The following RORA variants were observed in gnomAD, a reference collection of about 807,000 sequenced individuals.
RORA encodes RAR related orphan receptor A.
A neutral mutation model predicts 69.5 loss-of-function variants in RORA; 7 were observed. The observed-to-expected ratio is 0.10, with a 90% CI of 0.06 to 0.19. The LOEUF (loss-of-function observed/expected upper bound fraction) is 0.19. RORA is among the 10% of genes least tolerant of loss of function. The pLI, the probability that RORA is intolerant of heterozygous loss-of-function variation, is 1.00. For synonymous variants in RORA, 261 were observed against 240.8 expected (o/e 1.08, Z -0.78); for missense variants, 457 against 663.0 (o/e 0.69, Z 3.41).
At chr15:61,045,342 A>G (rs1896968882) in intron 1 of RORA, among the ~76,000 whole-genome samples, 1 of 152,174 alleles carries the variant, frequency 6.6e-6, no homozygotes, top group Non-Finnish European at 1.5e-5. Flanking sequence ...CTCCCCAGCC[A>G]TGTGGAACTG....
intron 1 of RORA, among the ~76,000 whole-genome samples, chr15:60,987,969 T>G (rs1894259234): frequency 6.6e-6 from 1 of 152,176 alleles, no homozygotes; most frequent in Non-Finnish European, 1.5e-5. Context: ...TGGATCCCAC[T>G]CATATCGCTG....
chr15:61,229,159 C>G lies in RORA; in HGVS notation c.60G>C (p.Ala20=). The G allele has an allele frequency of 6.5e-7, 1 of 1,548,308 alleles. No individual in the cohort carries two copies. Among genetic ancestry groups the G allele is most frequent in the Non-Finnish European group, 8.7e-7 (1 of 1,147,580 alleles). ...PAASEPGSSG[A]DAAAGSRETP... ...TCTCCCTGGAGCCGGCGGCCGCGTC[C>G]GCGCCGCTGCTGCCTGGCTCGCTGG... Residue 20 remains alanine (A), a synonymous_variant, in exon 1 of 11, where the codon GCG becomes GCC. Transcript: ENST00000335670.
intron 1 of RORA, among the ~76,000 whole-genome samples, chr15:61,028,052 C>T (rs1895924846): frequency 6.6e-6 from 1 of 151,776 alleles, no homozygotes. Context: ...ATTTTTTTTC[C>T]CCAAATACTG....
intron 1 of RORA, among the ~76,000 whole-genome samples, chr15:60,797,317 G>C (rs889541204): frequency 6.6e-6 from 1 of 152,064 alleles, no homozygotes; most frequent in Non-Finnish European, 1.5e-5. Flanking sequence ...CCATACATAG[G>C]TGGGAATGAG....
At chr15:61,208,030 T>A (rs959057598) in intron 1 of RORA, among the ~76,000 whole-genome samples, 2 of 152,196 alleles carry the variant, frequency 1.3e-5, no homozygotes, top group Non-Finnish European at 2.9e-5. Context: ...AGCTCCGGCC[T>A]CTTCTGCAAG....
intron 1 of RORA, among the ~76,000 whole-genome samples, chr15:60,741,730 G>A (rs1323332120): frequency 1.3e-5 from 2 of 152,186 alleles, no homozygotes; most frequent in East Asian, 3.9e-4. Flanking sequence ...GTTGGTCAAG[G>A]AGGTGCAGCC....
chr15:60,526,759 C>G (rs2066370667), intron 3 of RORA, among the ~76,000 whole-genome samples: 1 of 152,114 alleles, frequency 6.6e-6, no homozygotes, highest in Non-Finnish European at 1.5e-5. Context: ...GAAAAGTGGA[C>G]AGAATTAGTT....
intron 1 of RORA, among the ~76,000 whole-genome samples, chr15:61,164,277 C>T (rs1255019201): frequency 6.6e-6 from 1 of 152,190 alleles, no homozygotes; most frequent in Non-Finnish European, 1.5e-5. Flanking sequence ...AGTGTCCAAA[C>T]CCATAAATTA....
At chr15:60,918,721 C>A (rs910590171) in intron 1 of RORA, among the ~76,000 whole-genome samples, 2 of 151,980 alleles carry the variant, frequency 1.3e-5, no homozygotes, top group African/African-American at 2.4e-5. Flanking sequence ...TGTAGTTGTG[C>A]AGGTTTGTCC....
chr15:60,948,595 C>G (rs1892977173), intron 1 of RORA, among the ~76,000 whole-genome samples: 1 of 152,276 alleles, frequency 6.6e-6, no homozygotes, highest in East Asian at 1.9e-4. Flanking sequence ...ACACTTATGA[C>G]CCTACTGTGA....
intron 1 of RORA, among the ~76,000 whole-genome samples, chr15:60,925,140 ATAAAG>A (rs1892174004): frequency 7.3e-6 from 1 of 136,262 alleles, no homozygotes; most frequent in Non-Finnish European, 1.6e-5. Context: ...ATAAAATAAA[ATAAAG>A]GTACTCTAAC....
intron 1 of RORA, among the ~76,000 whole-genome samples, chr15:60,819,393 T>G (rs764780140): frequency 1.6e-4 from 24 of 152,292 alleles, no homozygotes; most frequent in Non-Finnish European, 3.1e-4. Flanking sequence ...GAGAACCAGG[T>G]TGACAATCAG....
At chr15:60,990,942 A>G (rs749726917) in intron 1 of RORA, among the ~76,000 whole-genome samples, 1 of 152,242 alleles carries the variant, frequency 6.6e-6, no homozygotes, top group Non-Finnish European at 1.5e-5. Flanking sequence ...AATGTTCTTC[A>G]TGTCACCAAA....
intron 2 of RORA, among the ~76,000 whole-genome samples, chr15:60,532,075 G>A (rs1027802836): frequency 6.6e-6 from 1 of 152,140 alleles, no homozygotes; most frequent in African/African-American, 2.4e-5. Context: ...CATTTGAGAA[G>A]GTGTTTAAGA....
chr15:60,868,684 T>C (rs529637499), intron 1 of RORA, among the ~76,000 whole-genome samples: 38 of 152,134 alleles, frequency 2.5e-4, no homozygotes, highest in Non-Finnish European at 5.3e-4. Flanking sequence ...CAATCAGAGA[T>C]GGCATAAGGG....
At chr15:60,677,378 A>G in intron 2 of RORA, 1 of 370,156 alleles carries the variant, frequency 2.7e-6, no homozygotes, top group South Asian at 1.9e-5. Context: ...GACTACCCTG[A>G]TGGAGGGACA....
chr15:60,941,545 G>A (rs373806495), intron 1 of RORA, among the ~76,000 whole-genome samples: 3 of 152,176 alleles, frequency 2.0e-5, no homozygotes, highest in African/African-American at 4.8e-5. Context: ...AGACAGCCTC[G>A]GGCTGAGTTC....
intron 1 of RORA, among the ~76,000 whole-genome samples, chr15:60,705,393 T>G (rs2071047094): frequency 6.6e-6 from 1 of 152,268 alleles, no homozygotes; most frequent in Admixed American, 6.5e-5. Context: ...ATTATCAATT[T>G]GTAGACTATC....
At chr15:60,617,755 A>G (rs1237801822) in intron 2 of RORA, among the ~76,000 whole-genome samples, 1 of 151,240 alleles carries the variant, frequency 6.6e-6, no homozygotes, top group Non-Finnish European at 1.5e-5. Flanking sequence ...TTCATTAAGA[A>G]CTTCAAACCT....
Sources: allele counts gnomAD v4.1 joint callset (sites outside exome capture counted in the v4.1 genomes callset), GRCh38; gene constraint gnomAD v4.1.1; transcripts MANE v1.5; gene names NCBI Gene and HGNC (gene_info 2026-07-23, HGNC 2026-07-21).